The following CAMSAP1 variants were observed in gnomAD, a reference collection of about 807,000 sequenced individuals.
The protein encoded by CAMSAP1 is calmodulin regulated spectrin associated protein 1.
In CAMSAP1, 58 loss-of-function variants were observed where a neutral mutation model predicts 143.5. The ratio of observed to expected loss-of-function variants is 0.40; its 90% CI spans 0.33 to 0.50. The LOEUF is 0.50. Among genes scored for constraint, CAMSAP1 ranks in the 20% least tolerant of loss-of-function variants. CAMSAP1 has a pLI of 0.45. For synonymous variants in CAMSAP1, 945 were observed against 859.3 expected (o/e 1.10, Z -1.74); for missense variants, 1,969 against 2,115.7 (o/e 0.93, Z 1.36).
chr9:135,819,943 A>T (rs963660589), intron 11 of CAMSAP1, among the ~76,000 whole-genome samples: 2 of 152,214 alleles, frequency 1.3e-5, no homozygotes, highest in African/African-American at 4.8e-5. Flanking sequence ...TCTTTTGCTA[A>T]GATCCACCTG....
chr9:135,888,582 T>A (rs1838197345), intron 1 of CAMSAP1, among the ~76,000 whole-genome samples: 1 of 152,210 alleles, frequency 6.6e-6, no homozygotes, highest in Non-Finnish European at 1.5e-5. Context: ...ACCTGGGAGC[T>A]GAGACCAGCT....
At chr9:135,904,016 T>C (rs1383932175) in intron 1 of CAMSAP1, among the ~76,000 whole-genome samples, 1 of 152,180 alleles carries the variant, frequency 6.6e-6, no homozygotes, top group Non-Finnish European at 1.5e-5. Context: ...ATTTCGGTCA[T>C]CTGAATTACG....
chr9:135,845,230 G>T (rs567127673), intron 7 of CAMSAP1, among the ~76,000 whole-genome samples: 1 of 152,088 alleles, frequency 6.6e-6, no homozygotes, highest in Non-Finnish European at 1.5e-5. Flanking sequence ...ATCAATAAAC[G>T]TAATCCATCA....
intron 7 of CAMSAP1, among the ~76,000 whole-genome samples, chr9:135,839,794 C>G (rs1160396808): frequency 6.6e-6 from 1 of 151,952 alleles, no homozygotes; most frequent in Non-Finnish European, 1.5e-5. Context: ...TGCCAGGGCA[C>G]CAGCAGCCCA....
chr9:135,893,829 C>T (rs913139223), intron 1 of CAMSAP1, among the ~76,000 whole-genome samples: 3 of 152,202 alleles, frequency 2.0e-5, no homozygotes, highest in Admixed American at 2.0e-4. Context: ...CTGGCCAGGA[C>T]AAAATGGCAC....
chr9:135,837,046 C>G (rs1836084638), intron 7 of CAMSAP1: 1 of 714,066 alleles, frequency 1.4e-6, no homozygotes. Context: ...TCTAGAGACA[C>G]ACATCATCAT....
At chr9:135,860,050 A>AT (rs951890381) in intron 5 of CAMSAP1, among the ~76,000 whole-genome samples, 18 of 150,264 alleles carry the variant, frequency 1.2e-4, no homozygotes, top group African/African-American at 3.4e-4. Flanking sequence ...ACAAAAAAAA[A>AT]AAAAATAAAA....
intron 1 of CAMSAP1, among the ~76,000 whole-genome samples, chr9:135,898,755 TA>T (rs1287252447): frequency 5.9e-5 from 9 of 152,186 alleles, no homozygotes; most frequent in Admixed American, 5.9e-4. Context: ...GGAATTCACA[TA>T]AGCTGCTGGC....
intron 1 of CAMSAP1, among the ~76,000 whole-genome samples, chr9:135,898,293 G>A (rs1838517211): frequency 6.6e-6 from 1 of 152,130 alleles, no homozygotes; most frequent in Admixed American, 6.5e-5. Context: ...GGGAAACTGA[G>A]TAAAGGGTAC....
intron 5 of CAMSAP1, among the ~76,000 whole-genome samples, chr9:135,859,286 A>AATTC (rs1450512411): frequency 6.6e-6 from 1 of 152,222 alleles, no homozygotes; most frequent in Non-Finnish European, 1.5e-5. Context: ...GCACTGGATG[A>AATTC]AGCCTGAAGT....
At chr9:135,841,659 C>T (rs1707980941) in intron 7 of CAMSAP1, among the ~76,000 whole-genome samples, 1 of 152,236 alleles carries the variant, frequency 6.6e-6, no homozygotes, top group Non-Finnish European at 1.5e-5. Flanking sequence ...AAGGAACAGG[C>T]AGCAATCTTT....
chr9:135,814,949 G>A, intron 16 of CAMSAP1, 148 bp downstream of exon 16: 1 of 638,826 alleles, frequency 1.6e-6, no homozygotes. Context: ...ACTCCCACCT[G>A]CCTGGAACGG....
At chr9:135,838,123 TCA>T (rs1836171877) in intron 7 of CAMSAP1, among the ~76,000 whole-genome samples, 1 of 137,228 alleles carries the variant, frequency 7.3e-6, no homozygotes, top group Non-Finnish European at 1.5e-5. Flanking sequence ...AGACACGTCA[TCA>T]CACACTTTCT....
At chr9:135,812,566 C>T (rs926512724) in intron 16 of CAMSAP1, among the ~76,000 whole-genome samples, 24 of 151,870 alleles carry the variant, frequency 1.6e-4, no homozygotes, top group African/African-American at 5.8e-4. Flanking sequence ...GATGAAAATG[C>T]TCTGAAATTA....
intron 1 of CAMSAP1, among the ~76,000 whole-genome samples, chr9:135,888,661 G>T (rs1419075642): frequency 6.6e-6 from 1 of 152,224 alleles, no homozygotes; most frequent in Non-Finnish European, 1.5e-5. Context: ...CTCTGCAGAG[G>T]CCCCAAAGGT....
At chr9:135,812,251 A>G (rs190128008) in intron 16 of CAMSAP1, among the ~76,000 whole-genome samples, 3 of 152,204 alleles carry the variant, frequency 2.0e-5, no homozygotes, top group Non-Finnish European at 2.9e-5. Context: ...AAATGTTTGA[A>G]GAAGAATCAA....
intron 3 of CAMSAP1, among the ~76,000 whole-genome samples, chr9:135,876,168 G>A (rs1403491616): frequency 6.6e-6 from 1 of 152,100 alleles, no homozygotes; most frequent in Non-Finnish European, 1.5e-5. Context: ...GGCCAAGCTG[G>A]TCTTGAACTC....
intron 3 of CAMSAP1, among the ~76,000 whole-genome samples, chr9:135,879,288 T>C (rs1331484368): frequency 6.6e-6 from 1 of 152,164 alleles, no homozygotes; most frequent in African/African-American, 2.4e-5. Context: ...CCACCTTCTA[T>C]TTATCTGCCA....
At position 135,820,859 on chromosome 9, in the gene CAMSAP1, C is replaced by T; in HGVS notation, c.3802G>A (p.Gly1268Arg). 1 of 1,613,334 alleles carries T rather than the reference C, an allele frequency of 6.2e-7. No individual in the cohort carries two copies. ...CTTACCTTGAAGAAGAAGCCGACCCCCGGCTTCTGGTCGCCTTCGCTGACA... is the reference window on the plus strand; with the variant it reads ...CTTACCTTGAAGAAGAAGCCGACCCTCGGCTTCTGGTCGCCTTCGCTGACA... ...DLVSEGDQKP[G>R]VGFFFKDEQK... Residue 1268 changes from glycine to arginine, a missense_variant, in exon 11 of 17, where the codon GGG (glycine) becomes AGG (arginine). This residue lies in a region of CAMSAP1 where 1,390 missense variants were observed against 1,420.8 expected (regional missense o/e 0.98). Transcript: ENST00000389532. The surrounding 1 kb of genome is among the most constrained non-coding windows in gnomAD (Gnocchi z 4.4).
Sources: gnomAD v4.1 joint callset for allele counts (sites outside exome capture counted in the v4.1 genomes callset) on GRCh38, gnomAD v4.1.1 for gene constraint, gnomAD v4.1.1 regional missense constraint, Gnocchi (gnomAD v3.1) non-coding constraint, MANE v1.5 for transcripts, NCBI Gene and HGNC (gene_info 2026-07-23, HGNC 2026-07-21) for gene names.